The following NCOR1 variants were observed in gnomAD, a reference collection of about 807,000 sequenced individuals.
NCOR1 encodes the protein nuclear receptor corepressor 1, also known as protein phosphatase 1, regulatory subunit 109.
A neutral mutation model predicts 288.1 loss-of-function variants in NCOR1; 63 were observed. That is an observed-to-expected ratio of 0.22 (90% CI 0.18 to 0.27). The LOEUF is 0.27. Ranked by LOEUF, NCOR1 falls within the 10% of genes least tolerant of loss-of-function variation. The pLI, the probability that NCOR1 is intolerant of heterozygous loss-of-function variation, is 1.00. For synonymous variants in NCOR1, 1,007 were observed against 1,065.9 expected (o/e 0.94, Z 1.08); for missense variants, 2,397 against 3,019.2 (o/e 0.79, Z 4.83).
intron 3 of NCOR1, among the ~76,000 whole-genome samples, chr17:16,179,567 T>A (rs537896708): frequency 6.6e-6 from 1 of 152,146 alleles, no homozygotes; most frequent in African/African-American, 2.4e-5. Context: ...CAACTCCTCC[T>A]AAACTCTTCC....
At chr17:16,206,639 G>T (rs989635056) in intron 1 of NCOR1, among the ~76,000 whole-genome samples, 1 of 152,168 alleles carries the variant, frequency 6.6e-6, no homozygotes, top group Non-Finnish European at 1.5e-5. Context: ...ACCTGCCTCG[G>T]CCTCCCAAAG....
intron 22 of NCOR1, among the ~76,000 whole-genome samples, chr17:16,087,518 C>G (rs887178107): frequency 2.6e-5 from 4 of 152,198 alleles, no homozygotes; most frequent in African/African-American, 9.7e-5. Context: ...AAATCTAAAT[C>G]TCCTGTGTAT....
intron 45 of NCOR1, among the ~76,000 whole-genome samples, 190 bp downstream of exon 45, chr17:16,034,575 T>C (rs891084419): frequency 1.3e-5 from 2 of 152,058 alleles, no homozygotes; most frequent in African/African-American, 4.8e-5. Flanking sequence ...GCCATTGCAT[T>C]CCAGCCTGGG....
Position 16,047,042 on chromosome 17 carries a change from G to C in NCOR1, c.6588C>G (p.Thr2196=), listed in dbSNP as rs749962095. Reference sequence around the variant, plus strand: ...CCATGGGTGATGTATTTTCAAGCTTGGTGAAGAATGAAGGCAAGTAGCTTA... The same window carrying C: ...CCATGGGTGATGTATTTTCAAGCTTCGTGAAGAATGAAGGCAAGTAGCTTA... ...GSISYLPSFF[T]KLENTSPMVK... The change falls in exon 42 of 46, where the codon ACC becomes ACG. Residue 2196 remains threonine, a synonymous_variant. Transcript: ENST00000268712. 2 of 1,613,886 alleles carry C rather than the reference G, an allele frequency of 1.2e-6. No homozygotes were observed. Among genetic ancestry groups the C allele is most frequent in the Admixed American group, 1.7e-5 (1 of 59,972 alleles).
chr17:16,213,607 G>A (rs1031516234), intron 1 of NCOR1, among the ~76,000 whole-genome samples: 2 of 151,854 alleles, frequency 1.3e-5, no homozygotes, highest in African/African-American at 4.8e-5. Context: ...GAGATGTGCA[G>A]AAAAAGCATT....
At chr17:16,140,997 CAA>C (rs372397821) in intron 11 of NCOR1, among the ~76,000 whole-genome samples, 71 of 113,482 alleles carry the variant, frequency 6.3e-4, no homozygotes, top group Admixed American at 5.5e-4. Flanking sequence ...TCTCCTATCT[CAA>C]AAAAAAAAAA....
intron 3 of NCOR1, among the ~76,000 whole-genome samples, chr17:16,174,117 T>C (rs563646433): frequency 6.6e-6 from 1 of 152,334 alleles, no homozygotes; most frequent in African/African-American, 2.4e-5. Context: ...TAAATGACAA[T>C]ACTACACAAA....
intron 23 of NCOR1, chr17:16,084,330 C>T (rs542808779): frequency 6.6e-6 from 1 of 152,180 alleles, no homozygotes; most frequent in East Asian, 1.9e-4. Context: ...AAGAGAATTT[C>T]GGATTGTGTT....
intron 22 of NCOR1, among the ~76,000 whole-genome samples, chr17:16,089,977 T>A (rs2064918347): frequency 1.3e-5 from 2 of 152,114 alleles, no homozygotes; most frequent in African/African-American, 4.8e-5. Context: ...GTCATACTAA[T>A]CAAAAGTATA....
At chr17:16,064,724 C>A in intron 34 of NCOR1, 146 bp downstream of exon 34, 1 of 671,148 alleles carries the variant, frequency 1.5e-6, no homozygotes, top group Non-Finnish European at 2.3e-6. Context: ...CTAGTGACAG[C>A]TGGCACATAA....
rs1162076753 is a variant in NCOR1 at position 16,103,436 on chromosome 17, AACTC to A, written c.2183-1683_2183-1680del. ...TTTAAAAGCCAGATTTTACCACAAT[AACTC>A]ACTCTCTCACTCTCATAACTTTTCA... On this transcript the variant is annotated intron_variant, in intron 19 of 45. Coordinates refer to ENST00000268712, the MANE Select transcript of NCOR1 (RefSeq NM_006311.4). Among the ~76,000 whole-genome samples, 8 of 152,290 alleles carry A rather than the reference AACTC, an allele frequency of 5.3e-5. No individual in the cohort carries two copies. The South Asian group carries it at 1.7e-3, about 32-fold the overall frequency.
rs1373701440 is a variant in NCOR1 at position 16,119,463 on chromosome 17, G to A, written c.1875C>T (p.Thr625=). Residue 625 remains threonine (T), a synonymous_variant, in exon 17 of 46, where the codon ACC becomes ACT. Transcript: ENST00000268712. ...CCATTTCTTCTTCTGTCCATCGAGAGGTCTCCACAGGCTCTGTAGAAACTA... is the reference window on the plus strand; with the variant it reads ...CCATTTCTTCTTCTGTCCATCGAGAAGTCTCCACAGGCTCTGTAGAAACTA... ...PEPISTEPVE[T]SRWTEEEMEV... is the part of the protein sequence containing the mutation. 6.2e-7 allele frequency: 1 copy of A among 1,609,836 alleles called. No homozygotes were observed. The highest frequency in any genetic ancestry group is 2.2e-5 in the East Asian group (1 of 44,710).
At chr17:16,168,301 A>G (rs1262869169) in intron 4 of NCOR1, among the ~76,000 whole-genome samples, 1 of 152,106 alleles carries the variant, frequency 6.6e-6, no homozygotes, top group Non-Finnish European at 1.5e-5. Context: ...CCCAGGTTCA[A>G]GCGATTCTCT....
intron 21 of NCOR1, 139 bp from the exon 22 acceptor site, chr17:16,092,197 G>A: frequency 8.9e-7 from 1 of 1,119,258 alleles, no homozygotes; most frequent in South Asian, 1.5e-5. Flanking sequence ...TTATCTTCAA[G>A]AATAATGCTT....
At chr17:16,106,022 C>A (rs933761477) in intron 19 of NCOR1, among the ~76,000 whole-genome samples, 7 of 152,088 alleles carry the variant, frequency 4.6e-5, no homozygotes, top group East Asian at 1.9e-4. Flanking sequence ...ATTGCTTGAA[C>A]CCGGGAAGCA....
At chr17:16,154,229 T>C (rs2079341901) in intron 6 of NCOR1, among the ~76,000 whole-genome samples, 1 of 152,022 alleles carries the variant, frequency 6.6e-6, no homozygotes, top group Non-Finnish European at 1.5e-5. Context: ...ACCAAAGTGT[T>C]ACCTAGCAAA....
chr17:16,171,658 T>G, intron 4 of NCOR1, 145 bp downstream of exon 4: 1 of 662,132 alleles, frequency 1.5e-6, no homozygotes, highest in East Asian at 3.4e-5. Flanking sequence ...GGTTTCTAGT[T>G]TTGTTTAACA....
At chr17:16,091,782 A>G in intron 22 of NCOR1, 81 bp downstream of exon 22, 1 of 1,594,208 alleles carries the variant, frequency 6.3e-7, no homozygotes, top group Non-Finnish European at 8.6e-7. Context: ...GACAACTTAC[A>G]AAGCACAATG....
chr17:16,162,553 T>G (rs1385593959), intron 5 of NCOR1, among the ~76,000 whole-genome samples: 3 of 151,250 alleles, frequency 2.0e-5, no homozygotes, highest in Non-Finnish European at 2.9e-5. Flanking sequence ...GAGAGAAAAT[T>G]CACACTATCC....
Sources: allele counts gnomAD v4.1 joint callset (sites outside exome capture counted in the v4.1 genomes callset), GRCh38; gene constraint gnomAD v4.1.1; transcripts MANE v1.5; gene names NCBI Gene and HGNC (gene_info 2026-07-23, HGNC 2026-07-21).